Variants in INPP4B observed in about 807,000 individuals in gnomAD.
INPP4B encodes inositol polyphosphate 4-phosphatase type II.
INPP4B carries 55 observed loss-of-function variants against 122.5 expected under a neutral mutation model. That is an observed-to-expected ratio of 0.45 (90% CI 0.36 to 0.56). INPP4B has a LOEUF of 0.56. INPP4B is among the 20% of genes least tolerant of loss of function. The pLI, the probability that INPP4B is intolerant of heterozygous loss-of-function variation, is 0.00. For synonymous variants in INPP4B, 403 were observed against 388.7 expected (o/e 1.04, Z -0.43); for missense variants, 1,000 against 1,097.7 (o/e 0.91, Z 1.26).
At position 142,246,057 on chromosome 4, in the gene INPP4B, ATATG is replaced by A. The variant is rs1278509814; in HGVS notation, c.689-8050_689-8047del. Among the ~76,000 whole-genome samples, 29 of 50,134 alleles carry A rather than the reference ATATG, an allele frequency of 5.8e-4. 1 individual carries two copies. In the East Asian group the frequency reaches 7.7e-3, roughly 13 times the overall value. 32.9% of individuals were successfully genotyped at this position (50,134 alleles called of 152,430 possible). A position where few individuals can be genotyped will look rare whatever the true frequency, so the allele number is the denominator to read the frequency against. On this transcript the variant is annotated intron_variant, in intron 11 of 25. Coordinates refer to ENST00000262992, the MANE Select transcript of INPP4B (RefSeq NM_001101669.3). ...ACGTGTGTGTATACACACATTATAT[ATATG>A]TGTGTGTGTATACACACATTATATA... is the stretch of plus-strand genomic sequence containing the variant.
Position 142,050,779 on chromosome 4 carries a change from T to C in INPP4B, c.2643-21865A>G, listed in dbSNP as rs376253757. Among the ~76,000 whole-genome samples, 13 of 152,152 alleles carry C rather than the reference T, an allele frequency of 8.5e-5. No individual in the cohort carries two copies. In the South Asian group the frequency reaches 2.1e-3, roughly 24 times the overall value. On this transcript the variant is annotated intron_variant, in intron 25 of 25. Transcript: ENST00000262992. ...CATGTCTGGCATATGTTAAATACCA[T>C]CATCCCTTGGTACCTACAGGTGGAT...
intron 12 of INPP4B, among the ~76,000 whole-genome samples, chr4:142,228,931 T>G (rs146427346): frequency 1.3e-4 from 19 of 151,674 alleles, no homozygotes; most frequent in African/African-American, 3.4e-4. Flanking sequence ...AAAACTATAA[T>G]TTTAAAAAGT....
intron 2 of INPP4B, among the ~76,000 whole-genome samples, chr4:142,618,025 A>C (rs1304499092): frequency 6.6e-6 from 1 of 152,172 alleles, no homozygotes; most frequent in Admixed American, 6.6e-5. Flanking sequence ...ATGGTAATTC[A>C]AATCATCCTT....
At chr4:142,246,672 C>T (rs1029239559) in intron 11 of INPP4B, among the ~76,000 whole-genome samples, 1 of 152,178 alleles carries the variant, frequency 6.6e-6, no homozygotes, top group Non-Finnish European at 1.5e-5. Context: ...GCTGAAGTTG[C>T]TTATCAGCTT....
intron 9 of INPP4B, among the ~76,000 whole-genome samples, chr4:142,290,416 C>T (rs1307386765): frequency 6.6e-6 from 1 of 151,982 alleles, no homozygotes; most frequent in South Asian, 2.1e-4. Context: ...CCATCTTGGT[C>T]AGGCTGGTCG....
intron 9 of INPP4B, among the ~76,000 whole-genome samples, chr4:142,282,421 C>G (rs1351250526): frequency 6.6e-6 from 1 of 152,042 alleles, no homozygotes; most frequent in Non-Finnish European, 1.5e-5. Flanking sequence ...TTCCATAAAC[C>G]CACTGACCTA....
chr4:142,701,159 T>C (rs1233850868), intron 2 of INPP4B, among the ~76,000 whole-genome samples: 1 of 152,252 alleles, frequency 6.6e-6, no homozygotes, highest in South Asian at 2.1e-4. Context: ...TGGAGCAGCC[T>C]CTACTTGAAA....
intron 1 of INPP4B, among the ~76,000 whole-genome samples, chr4:142,782,211 CTA>C (rs1264522399): frequency 1.3e-5 from 2 of 151,828 alleles, no homozygotes; most frequent in Non-Finnish European, 2.9e-5. Flanking sequence ...CAATTCCCAC[CTA>C]TGAGTGAGAA....
intron 10 of INPP4B, among the ~76,000 whole-genome samples, chr4:142,261,016 T>A (rs1739726008): frequency 6.6e-6 from 1 of 152,254 alleles, no homozygotes; most frequent in African/African-American, 2.4e-5. Flanking sequence ...GGCAAAAGAT[T>A]ATTTTGCCTC....
At chr4:142,482,282 A>G (rs1331725273) in intron 2 of INPP4B, among the ~76,000 whole-genome samples, 4 of 152,092 alleles carry the variant, frequency 2.6e-5, no homozygotes, top group African/African-American at 4.8e-5. Flanking sequence ...ATTGCTTCCT[A>G]TGTATGGTAA....
chr4:142,521,577 A>G (rs552762888), intron 2 of INPP4B, among the ~76,000 whole-genome samples: 2 of 152,084 alleles, frequency 1.3e-5, no homozygotes, highest in South Asian at 4.1e-4. Flanking sequence ...AAAGCTACAT[A>G]ATAATGAAAC....
At chr4:142,660,077 G>A (rs1431262830) in intron 2 of INPP4B, among the ~76,000 whole-genome samples, 4 of 152,188 alleles carry the variant, frequency 2.6e-5, no homozygotes, top group African/African-American at 4.8e-5. Flanking sequence ...TAAAGACCAC[G>A]TTAATATCCA....
intron 1 of INPP4B, among the ~76,000 whole-genome samples, chr4:142,824,024 C>G (rs1424807796): frequency 6.6e-6 from 1 of 152,106 alleles, no homozygotes; most frequent in African/African-American, 2.4e-5. Flanking sequence ...AGGAAATACA[C>G]AGTCATTCTT....
chr4:142,592,965 G>A (rs1168554277), intron 2 of INPP4B, among the ~76,000 whole-genome samples: 4 of 151,964 alleles, frequency 2.6e-5, no homozygotes, highest in Non-Finnish European at 5.9e-5. Flanking sequence ...TTAACCAAGT[G>A]TGGTGGTGCA....
chr4:142,117,583 G>T (rs565894160), intron 21 of INPP4B, among the ~76,000 whole-genome samples: 1 of 152,214 alleles, frequency 6.6e-6, no homozygotes, highest in Non-Finnish European at 1.5e-5. Context: ...CTCAATAGAT[G>T]CAGAAAAGGC....
chr4:142,821,574 T>G (rs1268788439), intron 1 of INPP4B, among the ~76,000 whole-genome samples: 1 of 152,190 alleles, frequency 6.6e-6, no homozygotes. Context: ...GTAGCCTTAT[T>G]TAACATATTT....
At chr4:142,398,478 T>G (rs1414376281) in intron 7 of INPP4B, among the ~76,000 whole-genome samples, 1 of 135,748 alleles carries the variant, frequency 7.4e-6, no homozygotes, top group Admixed American at 7.7e-5. Context: ...TGGCATATAC[T>G]TGTAAACAAT....
At chr4:142,133,310 A>G (rs868304979) in intron 18 of INPP4B, among the ~76,000 whole-genome samples, 7 of 152,212 alleles carry the variant, frequency 4.6e-5, no homozygotes, top group Middle Eastern at 3.4e-3. Context: ...CCTGAACTCT[A>G]TTCTTATATG....
intron 7 of INPP4B, among the ~76,000 whole-genome samples, chr4:142,368,829 G>A (rs535476837): frequency 6.6e-6 from 1 of 152,238 alleles, no homozygotes; most frequent in African/African-American, 2.4e-5. Flanking sequence ...CACATGATAG[G>A]ATGCCCAATC....
Sources: allele counts gnomAD v4.1 joint callset (sites outside exome capture counted in the v4.1 genomes callset), GRCh38; gene constraint gnomAD v4.1.1; transcripts MANE v1.5; gene names NCBI Gene and HGNC (gene_info 2026-07-23, HGNC 2026-07-21).